Variants in RAD21L1 observed in about 807,000 individuals in gnomAD.
RAD21L1 encodes the protein double-strand-break repair protein rad21-like protein 1.
Under a neutral mutation model 69.0 loss-of-function variants are expected in RAD21L1, and 47 were observed. The ratio of observed to expected loss-of-function variants is 0.68; its 90% confidence interval spans 0.54 to 0.87. The LOEUF (loss-of-function observed/expected upper bound fraction) is 0.87, where lower values mean the gene tolerates loss of function less well. Among genes scored for constraint, RAD21L1 ranks in the 40% least tolerant of loss-of-function variants. The pLI is 0.00. For synonymous variants in RAD21L1, 177 were observed against 205.8 expected, an observed-to-expected ratio of 0.86 and a Z score of 1.20; for missense variants, 583 against 647.6, an observed-to-expected ratio of 0.90 and a Z score of 1.08.
In RAD21L1 at chr20:1,237,920, A is replaced by G. The variant is rs549586744; in HGVS notation, c.476-124A>G. ...AATAATTCAAGTAAGTCTTTCAGCC[A>G]TTCTCTTCATCTATAAAATGAGGTG... On this transcript the variant is annotated intron_variant, in intron 5 of 13. Transcript: ENST00000683101. 1.4e-5 allele frequency: 7 copies of G among 506,616 alleles called. No individual in the cohort carries two copies. The East Asian group carries it at 1.8e-4, about 13-fold the overall frequency. The allele number at this position is 506,616 out of a possible 1,614,324, so 31.4% of individuals were successfully genotyped here. A position where few individuals can be genotyped will look rare whatever the true frequency, so the allele number is the denominator to read the frequency against.
chr20:1,253,185 G>T (rs1319314672), intron 13 of RAD21L1, among the ~76,000 whole-genome samples: 1 of 152,188 alleles, frequency 6.6e-6, no homozygotes, highest in Non-Finnish European at 1.5e-5. Flanking sequence ...TTAATTTGTT[G>T]ACTGTTATGG....
chr20:1,239,402 T>C lies in RAD21L1; in HGVS notation c.737T>C (p.Leu246Ser). The change falls in exon 7 of 14, where the codon TTA becomes TCA. Residue 246 changes from leucine to serine, a missense_variant. By Grantham distance (145) the Leu-to-Ser change is moderately radical (BLOSUM62 -2). Transcript: ENST00000683101. Reference protein sequence around the residue: ...ISLPSEPPNSLAVEPDNSECI... With the variant: ...ISLPSEPPNSSAVEPDNSECI... ...CTGCCTTCTGAGCCTCCCAATAGTT[T>C]AGCAGGTAGGTTGAAATTTTCCTTT... 1 of 1,535,256 alleles carries C rather than the reference T, an allele frequency of 6.5e-7. No homozygotes were observed. Among genetic ancestry groups the C allele is most frequent in the South Asian group, 1.2e-5 (1 of 83,352 alleles).
At position 1,239,372 on chromosome 20, in the gene RAD21L1, T is replaced by G; in HGVS notation, c.707T>G (p.Ile236Ser). Residue 236 changes from isoleucine to serine, a missense_variant, in exon 7 of 14, where the codon ATT becomes AGT. Transcript: ENST00000683101. The part of the protein sequence containing the change: ...LLEDMHLNRE[I>S]SLPSEPPNSL... ...GAAGACATGCATTTGAACAGAGAAA[T>G]TTCCCTGCCTTCTGAGCCTCCCAAT... 1 of 1,550,082 alleles carries G rather than the reference T, an allele frequency of 6.5e-7. No homozygotes were observed.
chr20:1,233,489 T>C (rs898395575), intron 4 of RAD21L1, among the ~76,000 whole-genome samples: 1 of 152,134 alleles, frequency 6.6e-6, no homozygotes. Flanking sequence ...TTTAGTCTGT[T>C]TGGGCTGCTG....
At chr20:1,248,507 A>T (rs2087762004) in intron 12 of RAD21L1, 119 bp from the exon 13 acceptor site, 2 of 533,270 alleles carry the variant, frequency 3.8e-6, no homozygotes, top group Non-Finnish European at 6.7e-6. Flanking sequence ...TAAGCTCTTT[A>T]TTTGGCAGGA....
At chr20:1,232,596 A>G (rs944773583) in intron 4 of RAD21L1, among the ~76,000 whole-genome samples, 10 of 152,216 alleles carry the variant, frequency 6.6e-5, no homozygotes, top group African/African-American at 1.7e-4. Context: ...GAAGGATACT[A>G]TATGATTTTT....
chr20:1,244,199 T>G (rs2087675827), intron 11 of RAD21L1, 29 bp downstream of exon 11: 1 of 1,457,196 alleles, frequency 6.9e-7, no homozygotes, highest in African/African-American at 1.4e-5. Flanking sequence ...ATCGTAAAAA[T>G]ATTTTATTTT....
rs767229076 is a variant in RAD21L1, at chr20:1,246,196, C to A, written c.1309-17C>A. ...CACTGGCAGATTTACCTAACTTTCC[C>A]TAATTTGCTTCAGCAGGATATTGTT... On this transcript the variant is annotated splice_polypyrimidine_tract_variant and intron_variant, in intron 11 of 13. Coordinates refer to ENST00000683101, the MANE Select transcript of RAD21L1 (RefSeq NM_001384355.1). The surrounding 1 kb of genome is among the most constrained non-coding windows in gnomAD (Gnocchi z 4.6). The A allele has an allele frequency of 1.4e-6, 2 of 1,474,246 alleles. No individual in the cohort carries two copies. The highest frequency in any genetic ancestry group is 1.7e-4 in the Middle Eastern group (1 of 5,798). 91.3% of individuals were successfully genotyped at this position (1,474,246 alleles called of 1,614,324 possible). A position where few individuals can be genotyped will look rare whatever the true frequency, so the allele number is the denominator to read the frequency against.
At chr20:1,227,359 G>GC (rs1181761586) in intron 1 of RAD21L1, among the ~76,000 whole-genome samples, 2 of 152,272 alleles carry the variant, frequency 1.3e-5, no homozygotes, top group Non-Finnish European at 2.9e-5. Flanking sequence ...AAAATCTCCA[G>GC]CTGCCCCGTA....
At chr20:1,252,708 T>G (rs1025153476) in intron 13 of RAD21L1, among the ~76,000 whole-genome samples, 3 of 152,178 alleles carry the variant, frequency 2.0e-5, no homozygotes, top group African/African-American at 7.2e-5. Context: ...GTTTTCAGCT[T>G]CATCCCTCTC....
chr20:1,239,194 A>G (rs2087558101), intron 6 of RAD21L1, 118 bp from the exon 7 acceptor site: 1 of 603,614 alleles, frequency 1.7e-6, no homozygotes. Flanking sequence ...TCTCTAGTTC[A>G]CATTAAAGAT....
rs1283819355 is a variant in RAD21L1 at position 1,242,665 on chromosome 20, T to A, written c.903T>A (p.Asp301Glu). Residue 301 changes from aspartate (D) to glutamate (E), a missense_variant, in exon 9 of 14, where the codon GAT becomes GAA. By Grantham distance (45) the Asp-to-Glu change is conservative. Transcript: ENST00000683101. ...GCAAAAAGAGGAGATTGCTCATAGA[T>A]CCTATCAAGGAGCTCAGTAGCAAAG... ...RKGKKRRLLI[D>E]PIKELSSKVI... is the part of the protein sequence containing the mutation. 1.9e-6 allele frequency: 3 copies of A among 1,551,512 alleles called. No homozygotes were observed. Among genetic ancestry groups the A allele is most frequent in the Admixed American group, 2.0e-5 (1 of 50,978 alleles).
At chr20:1,247,525 A>G (rs1015789721) in intron 12 of RAD21L1, among the ~76,000 whole-genome samples, 1 of 152,196 alleles carries the variant, frequency 6.6e-6, no homozygotes, top group South Asian at 2.1e-4. Flanking sequence ...AAAACTCTCT[A>G]GAATAAAGTG....
chr20:1,232,662 G>A (rs941450507), intron 4 of RAD21L1, among the ~76,000 whole-genome samples: 46 of 152,290 alleles, frequency 3.0e-4, no homozygotes, highest in African/African-American at 1.0e-3. Context: ...TTTAAAGGGG[G>A]CAGAGAGAAG....
At chr20:1,242,913 AAC>A (rs1056858280) in intron 9 of RAD21L1, 68 bp downstream of exon 9, 14 of 1,090,424 alleles carry the variant, frequency 1.3e-5, no homozygotes, top group African/African-American at 6.4e-5. Flanking sequence ...TAAATAAATA[AAC>A]ACATATTTAC....
intron 13 of RAD21L1, among the ~76,000 whole-genome samples, chr20:1,253,437 G>C (rs60609218): frequency 0.085 from 12,950 of 152,088 alleles, 605 homozygotes; most frequent in Admixed American, 0.13. Flanking sequence ...GCTGGGATTA[G>C]AGGCGCGTGC....
chr20:1,240,248 A>G, intron 7 of RAD21L1, 73 bp from the exon 8 acceptor site: 1 of 1,427,808 alleles, frequency 7.0e-7, no homozygotes, highest in East Asian at 2.7e-5. Flanking sequence ...TTTATCTTTA[A>G]TTCTCATACA....
chr20:1,228,663 T>TA, intron 2 of RAD21L1, 66 bp downstream of exon 2: 2 of 1,092,304 alleles, frequency 1.8e-6, no homozygotes, highest in Non-Finnish European at 2.6e-6. Flanking sequence ...GACATTAAGA[T>TA]ACACTTATAT....
chr20:1,248,178 C>A (rs1406265071), intron 12 of RAD21L1, among the ~76,000 whole-genome samples: 1 of 151,494 alleles, frequency 6.6e-6, no homozygotes, highest in African/African-American at 2.4e-5. Flanking sequence ...TACTAGACAG[C>A]AGTTATGTTT....
Sources: allele counts gnomAD v4.1 joint callset (sites outside exome capture counted in the v4.1 genomes callset), GRCh38; gene constraint gnomAD v4.1.1; non-coding constraint Gnocchi (gnomAD v3.1); transcripts MANE v1.5; gene names NCBI Gene and HGNC (gene_info 2026-07-23, HGNC 2026-07-21).